PTPRT: variants seen among roughly 807,000 people sequenced by gnomAD.
PTPRT encodes protein tyrosine phosphatase receptor type T, also known as receptor-type tyrosine-protein phosphatase T.
Under a neutral mutation model 176.8 loss-of-function variants are expected in PTPRT, and 56 were observed. That is an observed-to-expected ratio of 0.32 (90% CI 0.26 to 0.40). The LOEUF is 0.40. PTPRT is among the 10% of genes least tolerant of loss of function. The pLI is 1.00. For missense variants in PTPRT, 1,540 were observed against 1,908.2 expected (o/e 0.81, Z 3.60); for synonymous variants, 783 against 739.0 (o/e 1.06, Z -0.96).
At chr20:42,337,514 G>A (rs6093624) in intron 11 of PTPRT, among the ~76,000 whole-genome samples, 6,754 of 152,166 alleles carry the variant, frequency 0.044, 473 homozygotes, top group African/African-American at 0.16. Flanking sequence ...CTCATCTCAG[G>A]TTCTGATCTA....
chr20:42,980,816 C>T (rs1983231102), intron 1 of PTPRT, among the ~76,000 whole-genome samples: 1 of 152,176 alleles, frequency 6.6e-6, no homozygotes, highest in Admixed American at 6.5e-5. Flanking sequence ...TTTCTCTGCT[C>T]CTTTAAAAAA....
chr20:42,163,158 C>T (rs1256004268), intron 16 of PTPRT, among the ~76,000 whole-genome samples: 1 of 152,140 alleles, frequency 6.6e-6, no homozygotes, highest in Non-Finnish European at 1.5e-5. Context: ...ACTAATCTGA[C>T]TGGTCTGACT....
chr20:43,086,533 C>T (rs1009588586), intron 1 of PTPRT, among the ~76,000 whole-genome samples: 1 of 152,130 alleles, frequency 6.6e-6, no homozygotes, highest in African/African-American at 2.4e-5. Flanking sequence ...GGTATTTTGG[C>T]CTGATGAATA....
chr20:42,393,042 A>C (rs1489842209), intron 9 of PTPRT, among the ~76,000 whole-genome samples: 1 of 152,158 alleles, frequency 6.6e-6, no homozygotes, highest in East Asian at 1.9e-4. Flanking sequence ...AATGGTGATA[A>C]ACTGAAGGGA....
At chr20:42,102,803 C>T (rs946191255) in intron 25 of PTPRT, among the ~76,000 whole-genome samples, 55 of 152,176 alleles carry the variant, frequency 3.6e-4, no homozygotes, top group Non-Finnish European at 1.6e-4. Flanking sequence ...GAGAGACCTC[C>T]GAGGGGCAAA....
At chr20:42,300,257 C>CAAAAAAAAAAAA in intron 12 of PTPRT, among the ~76,000 whole-genome samples, 1 of 49,628 alleles carries the variant, frequency 2.0e-5, no homozygotes, top group Middle Eastern at 0.012. Context: ...AACTCCGTCT[C>CAAAAAAAAAAAA]AAAAAAAAAA....
intron 7 of PTPRT, among the ~76,000 whole-genome samples, chr20:42,636,614 G>T (rs137874269): frequency 1.3e-5 from 2 of 151,944 alleles, no homozygotes; most frequent in East Asian, 3.9e-4. Flanking sequence ...GTAAAACACT[G>T]TCTCTACTAA....
the PTPRT span, among the ~76,000 whole-genome samples, chr20:42,048,508 T>C: frequency 5.3e-5 from 8 of 152,300 alleles, no homozygotes; most frequent in East Asian, 9.7e-4. Flanking sequence ...TGAGCCACTA[T>C]ATAAGAATGC....
chr20:42,949,395 G>GA (rs1981089547), intron 1 of PTPRT, among the ~76,000 whole-genome samples: 2 of 152,206 alleles, frequency 1.3e-5, no homozygotes, highest in Non-Finnish European at 2.9e-5. Flanking sequence ...CTAGCCACAG[G>GA]AAAAAGCCAT....
chr20:42,618,294 T>G (rs2074119918), intron 7 of PTPRT, among the ~76,000 whole-genome samples: 2 of 132,794 alleles, frequency 1.5e-5, no homozygotes, highest in Admixed American at 1.4e-4. Flanking sequence ...GATTGCACTG[T>G]GGTCTGAGAG....
chr20:43,046,797 C>T lies in PTPRT; in HGVS notation c.88+142849G>A, dbSNP rs1445037439. Among the ~76,000 whole-genome samples the T allele has an allele frequency of 7.9e-5, 12 of 152,182 alleles. No homozygotes were observed. The East Asian group carries it at 2.3e-3, about 29-fold the overall frequency. On this transcript the variant is annotated intron_variant, in intron 1 of 30. Transcript: ENST00000373187. Reference sequence around the variant, plus strand: ...AAAATGAACTCAGTAGGCAATCCCTCGAGAGATACAAGCTCTGCTATTGAT... The same window carrying T: ...AAAATGAACTCAGTAGGCAATCCCTTGAGAGATACAAGCTCTGCTATTGAT...
intron 1 of PTPRT, among the ~76,000 whole-genome samples, chr20:43,178,178 G>T (rs1227615215): frequency 2.0e-5 from 3 of 152,150 alleles, no homozygotes; most frequent in African/African-American, 4.8e-5. Context: ...TAATAAAAAT[G>T]ATCTCAAAAC....
chr20:42,917,744 A>T (rs1978869990), intron 1 of PTPRT, among the ~76,000 whole-genome samples: 1 of 152,184 alleles, frequency 6.6e-6, no homozygotes, highest in Non-Finnish European at 1.5e-5. Context: ...CATTTTACTG[A>T]TAAAAAAACA....
rs113597285 is a variant in PTPRT, at chr20:42,410,445, A to G, written c.1560+37775T>C. On this transcript the variant is annotated intron_variant, in intron 9 of 30. Coordinates refer to ENST00000373187, the MANE Select transcript of PTPRT (RefSeq NM_007050.6). ...AACAAAAATACATAAAACAAAACTG[A>G]GAACTGGAAAGAGAAATATGAAAAT... 3.7e-3 allele frequency among the ~76,000 whole-genome samples: 568 copies of G among 152,296 alleles called. 4 individuals are homozygous for G. The highest frequency in any genetic ancestry group is 0.013 in the African/African-American group (530 of 41,572).
chr20:42,635,385 A>G (rs1237187996), intron 7 of PTPRT, among the ~76,000 whole-genome samples: 1 of 152,168 alleles, frequency 6.6e-6, no homozygotes, highest in East Asian at 1.9e-4. Context: ...TATGCACAAA[A>G]GGGCAAAATT....
At chr20:43,045,101 T>C (rs914179951) in intron 1 of PTPRT, among the ~76,000 whole-genome samples, 18 of 152,234 alleles carry the variant, frequency 1.2e-4, no homozygotes, top group African/African-American at 4.3e-4. Context: ...ATCAAGAGAT[T>C]ATTATGTTTC....
At chr20:42,197,983 T>A (rs1451648076) in intron 16 of PTPRT, among the ~76,000 whole-genome samples, 4 of 152,202 alleles carry the variant, frequency 2.6e-5, no homozygotes. Flanking sequence ...ACTCTCTGAA[T>A]GACTTACAAA....
the PTPRT span, among the ~76,000 whole-genome samples, chr20:42,064,267 C>T: frequency 2.6e-5 from 4 of 151,908 alleles, no homozygotes; most frequent in Non-Finnish European, 5.9e-5. Flanking sequence ...TTGTTTTTTC[C>T]AGTTACTTAC....
intron 9 of PTPRT, among the ~76,000 whole-genome samples, chr20:42,391,071 T>C (rs2058795355): frequency 1.3e-5 from 2 of 152,196 alleles, no homozygotes; most frequent in Non-Finnish European, 2.9e-5. Flanking sequence ...GAGTAATATG[T>C]AGTGGGGTGA....
Sources: allele counts gnomAD v4.1 joint callset (sites outside exome capture counted in the v4.1 genomes callset), GRCh38; gene constraint gnomAD v4.1.1; transcripts MANE v1.5; gene names NCBI Gene and HGNC (gene_info 2026-07-23, HGNC 2026-07-21).